GRXCR1: variants seen among roughly 807,000 people sequenced by gnomAD.
The protein encoded by GRXCR1 is glutaredoxin and cysteine rich domain containing 1, also known as glutaredoxin domain-containing cysteine-rich protein 1.
In GRXCR1, 27 loss-of-function variants were observed where a neutral mutation model predicts 27.3. The observed-to-expected ratio is 0.99, with a 90% confidence interval of 0.73 to 1.37. The LOEUF (loss-of-function observed/expected upper bound fraction) is 1.37, where lower values mean the gene tolerates loss of function less well. Among genes scored for constraint, GRXCR1 ranks in the 40% most tolerant of loss-of-function variants. The probability of loss-of-function intolerance (pLI) is 0.00; values close to 1 mark genes in which losing one functional copy is unlikely to be tolerated. For synonymous variants in GRXCR1, 122 were observed against 131.1 expected (o/e 0.93, Z 0.47); for missense variants, 379 against 354.4 (o/e 1.07, Z -0.56).
intron 1 of GRXCR1, among the ~76,000 whole-genome samples, chr4:42,896,430 G>A (rs1746347567): frequency 7.3e-6 from 1 of 137,524 alleles, no homozygotes; most frequent in Admixed American, 7.7e-5. Flanking sequence ...GAACCAGGAG[G>A]CAAAAAGCAG....
In GRXCR1 at chr4:42,912,695, G is replaced by A. The variant is rs368377889; in HGVS notation, c.384+19045G>A. 4.3e-4 allele frequency among the ~76,000 whole-genome samples: 65 copies of A among 152,162 alleles called. 2 individuals are homozygous for A. The South Asian group carries it at 9.8e-3, about 23-fold the overall frequency. ...CCCTTATTATCTTATAAAAAGTATTGGGACATTGGGAAACTAAAGTGCTGA... is the reference window on the plus strand; with the variant it reads ...CCCTTATTATCTTATAAAAAGTATTAGGACATTGGGAAACTAAAGTGCTGA... On this transcript the variant is annotated intron_variant, in intron 1 of 3. Transcript: ENST00000399770.
At chr4:42,975,863 A>G (rs1748507847) in intron 2 of GRXCR1, among the ~76,000 whole-genome samples, 1 of 152,188 alleles carries the variant, frequency 6.6e-6, no homozygotes, top group Non-Finnish European at 1.5e-5. Context: ...AGTACTTTGA[A>G]GCCTCTTTAT....
chr4:42,982,402 T>G (rs1302334583), intron 2 of GRXCR1, among the ~76,000 whole-genome samples: 2 of 129,516 alleles, frequency 1.5e-5, no homozygotes, highest in Non-Finnish European at 3.3e-5. Flanking sequence ...TTTTTATGGC[T>G]GCATAGTATT....
intron 2 of GRXCR1, among the ~76,000 whole-genome samples, chr4:42,998,774 G>T (rs1395279889): frequency 6.6e-6 from 1 of 152,196 alleles, no homozygotes; most frequent in African/African-American, 2.4e-5. Flanking sequence ...AATTTAAACA[G>T]AAGAAATGTT....
At chr4:42,977,197 A>AT (rs370981475) in intron 2 of GRXCR1, among the ~76,000 whole-genome samples, 3 of 151,864 alleles carry the variant, frequency 2.0e-5, no homozygotes, top group Non-Finnish European at 2.9e-5. Flanking sequence ...TATATTTCAC[A>AT]TTTTTTTATC....
At chr4:42,948,721 G>T (rs1301200558) in intron 1 of GRXCR1, among the ~76,000 whole-genome samples, 1 of 152,042 alleles carries the variant, frequency 6.6e-6, no homozygotes, top group Non-Finnish European at 1.5e-5. Context: ...TTGAGATGGG[G>T]ATATTATCCT....
rs777472087 is a variant in GRXCR1 at position 42,893,328 on chromosome 4, C to G, written c.62C>G (p.Ala21Gly). 17 of 1,613,626 alleles carry G rather than the reference C, an allele frequency of 1.1e-5. No individual in the cohort carries two copies. Among genetic ancestry groups the G allele is most frequent in the East Asian group, 6.7e-5 (3 of 44,844 alleles). ...DRPRKVRFRIASSHSGRVLKE... is the reference protein window; with the variant it reads ...DRPRKVRFRIGSSHSGRVLKE... ...CCACGGAAAGTCCGGTTTCGGATCG[C>G]GTCCTCTCACAGTGGGCGAGTTCTG... Residue 21 changes from alanine (A) to glycine (G), a missense_variant, in exon 1 of 4, where the codon GCG becomes GGG. Physicochemically the swap from Ala to Gly is moderately conservative, Grantham distance 60. Transcript: ENST00000399770.
intron 2 of GRXCR1, among the ~76,000 whole-genome samples, chr4:43,004,149 G>A (rs772271499): frequency 1.3e-5 from 2 of 152,358 alleles, no homozygotes; most frequent in Non-Finnish European, 2.9e-5. Context: ...AAGGGGACAA[G>A]GTACAGCTTC....
At chr4:42,927,402 A>G (rs1747184222) in intron 1 of GRXCR1, among the ~76,000 whole-genome samples, 1 of 152,054 alleles carries the variant, frequency 6.6e-6, no homozygotes, top group Admixed American at 6.6e-5. Context: ...ATGCTTCTAG[A>G]GACCTCACAG....
chr4:43,010,538 A>G (rs1712714323), intron 2 of GRXCR1, among the ~76,000 whole-genome samples: 1 of 152,148 alleles, frequency 6.6e-6, no homozygotes, highest in Non-Finnish European at 1.5e-5. Flanking sequence ...GCTAAATGCT[A>G]TGCCCAGATG....
At chr4:42,927,713 C>A (rs1452792015) in intron 1 of GRXCR1, among the ~76,000 whole-genome samples, 1 of 151,756 alleles carries the variant, frequency 6.6e-6, no homozygotes, top group Non-Finnish European at 1.5e-5. Flanking sequence ...TTTTGGAAAC[C>A]TTGGAGACCC....
chr4:42,952,820 T>A (rs1167374690), intron 1 of GRXCR1, among the ~76,000 whole-genome samples: 2 of 151,984 alleles, frequency 1.3e-5, no homozygotes, highest in Non-Finnish European at 2.9e-5. Flanking sequence ...ACCCCAGAAG[T>A]CTCAGTCACT....
At chr4:42,990,296 A>G (rs2109790602) in intron 2 of GRXCR1, among the ~76,000 whole-genome samples, 1 of 136,874 alleles carries the variant, frequency 7.3e-6, no homozygotes, top group East Asian at 2.2e-4. Flanking sequence ...GGTTCACGCC[A>G]TTCTCCTGCC....
intron 1 of GRXCR1, among the ~76,000 whole-genome samples, chr4:42,947,673 G>T (rs942745779): frequency 6.6e-6 from 1 of 152,164 alleles, no homozygotes; most frequent in Non-Finnish European, 1.5e-5. Context: ...CTGAGGAGCT[G>T]TGGTGACAAA....
At chr4:43,024,771 C>T (rs898946911) in intron 3 of GRXCR1, among the ~76,000 whole-genome samples, 1 of 152,020 alleles carries the variant, frequency 6.6e-6, no homozygotes, top group African/African-American at 2.4e-5. Flanking sequence ...TAAGAGTTTG[C>T]TGAATTAAAT....
At chr4:42,954,318 T>A (rs1237814172) in intron 1 of GRXCR1, among the ~76,000 whole-genome samples, 3 of 152,150 alleles carry the variant, frequency 2.0e-5, no homozygotes, top group Admixed American at 6.5e-5. Flanking sequence ...TAATGGAATT[T>A]CTAGGACTGT....
intron 1 of GRXCR1, among the ~76,000 whole-genome samples, chr4:42,961,436 A>C (rs191434337): frequency 7.5e-4 from 114 of 152,078 alleles, no homozygotes; most frequent in Non-Finnish European, 1.3e-3. Flanking sequence ...ATTTCCTATA[A>C]AAATCCAGAT....
chr4:42,956,714 T>C (rs142397332), intron 1 of GRXCR1, among the ~76,000 whole-genome samples: 1 of 152,218 alleles, frequency 6.6e-6, no homozygotes, highest in African/African-American at 2.4e-5. Flanking sequence ...CTGAGTATAA[T>C]GGCTCAAAAC....
intron 1 of GRXCR1, among the ~76,000 whole-genome samples, chr4:42,916,901 C>T (rs919742641): frequency 9.2e-5 from 14 of 151,868 alleles, no homozygotes; most frequent in African/African-American, 3.1e-4. Flanking sequence ...GTTATTAGTC[C>T]GTAATTTTAT....
Sources: gnomAD v4.1 joint callset for allele counts (sites outside exome capture counted in the v4.1 genomes callset) on GRCh38, gnomAD v4.1.1 for gene constraint, MANE v1.5 for transcripts, NCBI Gene and HGNC (gene_info 2026-07-23, HGNC 2026-07-21) for gene names.